TMC2: variants seen among roughly 807,000 people sequenced by gnomAD.
TMC2 encodes transmembrane channel like 2, also known as transmembrane channel-like protein 2.
Under a neutral mutation model 105.9 loss-of-function variants are expected in TMC2, and 102 were observed. That is an observed-to-expected ratio of 0.96 (90% CI 0.82 to 1.14). The LOEUF is 1.14. TMC2 is among the 50% of genes most tolerant of loss of function. The probability of loss-of-function intolerance (pLI) is 0.00; values close to 1 mark genes in which losing one functional copy is unlikely to be tolerated. For missense variants in TMC2, 1,093 were observed against 1,134.3 expected (o/e 0.96, Z 0.52); for synonymous variants, 402 against 422.8 (o/e 0.95, Z 0.60).
intron 2 of TMC2, among the ~76,000 whole-genome samples, chr20:2,552,891 C>T (rs796591076): frequency 3.3e-5 from 5 of 152,126 alleles, no homozygotes; most frequent in African/African-American, 7.2e-5. Context: ...TCATTGCTGG[C>T]GTATAGGAGT....
chr20:2,555,122 C>T (rs980753092), intron 2 of TMC2, among the ~76,000 whole-genome samples: 4 of 152,026 alleles, frequency 2.6e-5, no homozygotes, highest in Admixed American at 1.3e-4. Flanking sequence ...ACTCTGTCGC[C>T]CAGGCTGGAG....
intron 4 of TMC2, among the ~76,000 whole-genome samples, chr20:2,566,240 G>A (rs1017588005): frequency 6.6e-6 from 1 of 152,010 alleles, no homozygotes; most frequent in Admixed American, 6.6e-5. Flanking sequence ...TACCTCACAG[G>A]GTTGTTCAAA....
chr20:2,626,292 A>G (rs2086563828), intron 17 of TMC2, among the ~76,000 whole-genome samples: 1 of 152,228 alleles, frequency 6.6e-6, no homozygotes, highest in Non-Finnish European at 1.5e-5. Flanking sequence ...TCTACTCAAC[A>G]TCATCTGGGT....
intron 4 of TMC2, among the ~76,000 whole-genome samples, chr20:2,564,309 C>T (rs1197453068): frequency 6.6e-6 from 1 of 152,086 alleles, no homozygotes; most frequent in East Asian, 1.9e-4. Context: ...CACCACCGTG[C>T]CCAGCTAATT....
intron 6 of TMC2, among the ~76,000 whole-genome samples, 185 bp downstream of exon 6, chr20:2,579,412 A>C (rs939310626): frequency 6.7e-6 from 1 of 148,738 alleles, no homozygotes; most frequent in African/African-American, 2.5e-5. Context: ...TTATTTATTT[A>C]TTTATTTATT....
intron 17 of TMC2, among the ~76,000 whole-genome samples, chr20:2,633,792 G>T (rs1367287082): frequency 6.6e-6 from 1 of 152,114 alleles, no homozygotes; most frequent in South Asian, 2.1e-4. Flanking sequence ...CAACTTAGAT[G>T]CTGCAGAACT....
At chr20:2,565,316 T>C (rs934992205) in intron 4 of TMC2, among the ~76,000 whole-genome samples, 7 of 152,218 alleles carry the variant, frequency 4.6e-5, no homozygotes, top group African/African-American at 1.7e-4. Context: ...ATTTTACTGA[T>C]GAGAAGACTG....
At chr20:2,589,278 G>GTA (rs139329805) in intron 7 of TMC2, among the ~76,000 whole-genome samples, 1 of 139,890 alleles carries the variant, frequency 7.1e-6, no homozygotes, top group Non-Finnish European at 1.5e-5. Context: ...CCCTGTGTGT[G>GTA]TGTGTGTGTG....
At chr20:2,541,108 C>T (rs892331214) in intron 2 of TMC2, among the ~76,000 whole-genome samples, 2 of 152,182 alleles carry the variant, frequency 1.3e-5, no homozygotes, top group Non-Finnish European at 2.9e-5. Flanking sequence ...CACTTCTTCT[C>T]TTGCAAACTC....
Position 2,641,268 on chromosome 20 carries a change from G to A in TMC2, c.2638G>A (p.Gly880Arg), listed in dbSNP as rs199831022. 14 of 1,614,130 alleles carry A rather than the reference G, an allele frequency of 8.7e-6. No homozygotes were observed. The highest frequency in any genetic ancestry group is 4.5e-5 in the East Asian group (2 of 44,866). Residue 880 changes from glycine (G) to arginine (R), a missense_variant, in exon 20 of 20, where the codon GGA (glycine) becomes AGA (arginine). Transcript: ENST00000358864. ...HLPISRPPGI[G>R]PDSGHAPSQT... The stretch of plus-strand genomic sequence containing the variant: ...TCCTATATCTCGGCCCCCTGGAATC[G>A]GACCAGATTCTGGCCACGCCCCATC...
At chr20:2,633,489 AAC>A (rs57444396) in intron 17 of TMC2, among the ~76,000 whole-genome samples, 27,283 of 152,100 alleles carry the variant, frequency 0.18, 3,736 homozygotes, top group African/African-American at 0.37. Context: ...ACTGTTATGC[AAC>A]ACTTCTCACA....
chr20:2,607,687 T>G (rs2067792967), intron 11 of TMC2, among the ~76,000 whole-genome samples: 1 of 152,266 alleles, frequency 6.6e-6, no homozygotes, highest in Admixed American at 6.5e-5. Context: ...TAAGTACTTG[T>G]GGCTGTTGGT....
rs372807841 is a variant in TMC2 at position 2,634,766 on chromosome 20, C to T, written c.2307-1160C>T. 9.2e-5 allele frequency among the ~76,000 whole-genome samples: 14 copies of T among 152,284 alleles called. No individual in the cohort carries two copies. In the East Asian group the frequency reaches 2.3e-3, roughly 25 times the overall value. On this transcript the variant is annotated intron_variant, in intron 17 of 19. Coordinates refer to ENST00000358864, the MANE Select transcript of TMC2 (RefSeq NM_080751.3). ...AATTAGGTAAATGGCAAGGACTGGC[C>T]CAGAGTAATGCCTTACATAACAGAA...
Position 2,641,533 on chromosome 20 carries a change from G to A in TMC2, c.*182G>A, listed in dbSNP as rs1033737132. On this transcript the variant is annotated 3_prime_UTR_variant, in exon 20 of 20. Transcript: ENST00000358864. Reference sequence around the variant, plus strand: ...CAGCTACCGAAGGAGGAAGACAGTGGCTTCACCTGTCCTTTAGGGAAGCTG... The same window carrying A: ...CAGCTACCGAAGGAGGAAGACAGTGACTTCACCTGTCCTTTAGGGAAGCTG... The A allele has an allele frequency of 8.5e-6, 5 of 586,372 alleles. No homozygotes were observed. Among genetic ancestry groups the A allele is most frequent in the Admixed American group, 3.0e-5 (1 of 33,710 alleles). 36.3% of individuals were successfully genotyped at this position (586,372 alleles called of 1,614,324 possible).
At chr20:2,538,360 C>A (rs890539839) in intron 2 of TMC2, among the ~76,000 whole-genome samples, 2 of 152,168 alleles carry the variant, frequency 1.3e-5, no homozygotes, top group Non-Finnish European at 2.9e-5. Flanking sequence ...ACCCCACCTG[C>A]CTGCCTCATC....
intron 11 of TMC2, among the ~76,000 whole-genome samples, chr20:2,604,194 A>T (rs1015177039): frequency 6.6e-6 from 1 of 152,218 alleles, no homozygotes; most frequent in African/African-American, 2.4e-5. Flanking sequence ...TCCCATGGGC[A>T]GAGCCTCCGA....
At chr20:2,572,328 C>A in intron 5 of TMC2, 59 bp downstream of exon 5, 1 of 1,387,134 alleles carries the variant, frequency 7.2e-7, no homozygotes, top group South Asian at 1.2e-5. Context: ...TGGAATCTGG[C>A]GACCAACTTC....
chr20:2,607,783 T>C (rs2054728077), intron 11 of TMC2, among the ~76,000 whole-genome samples: 1 of 152,218 alleles, frequency 6.6e-6, no homozygotes, highest in Non-Finnish European at 1.5e-5. Context: ...TATTTTATTA[T>C]TTAATTGCTT....
At position 2,597,289 on chromosome 20, in the gene TMC2, C is replaced by T. The variant is rs1334019523; in HGVS notation, c.1215C>T (p.Thr405=). 6.2e-7 allele frequency: 1 copy of T among 1,613,778 alleles called. No individual in the cohort carries two copies. Among genetic ancestry groups the T allele is most frequent in the Non-Finnish European group, 8.5e-7 (1 of 1,179,794 alleles). The change falls in exon 10 of 20, where the codon ACC becomes ACT. Residue 405 remains threonine, a synonymous_variant. Transcript: ENST00000358864. ...TADNKYASIT[T]SFKESIVDEQ... ...ATAACAAATATGCATCCATCACCAC[C>T]AGCTTCAAGGTAGTCACCCCAGGGC...
Sources: allele counts gnomAD v4.1 joint callset (sites outside exome capture counted in the v4.1 genomes callset), GRCh38; gene constraint gnomAD v4.1.1; transcripts MANE v1.5; gene names NCBI Gene and HGNC (gene_info 2026-07-23, HGNC 2026-07-21).